GNG7: variants seen among roughly 807,000 people sequenced by gnomAD.
GNG7 encodes the protein guanine nucleotide-binding protein G(I)/G(S)/G(O) subunit gamma-7.
Under a neutral mutation model 4.0 loss-of-function variants are expected in GNG7, and 1 was observed. The ratio of observed to expected loss-of-function variants is 0.25; its 90% CI spans 0.09 to 1.18. GNG7 has a LOEUF of 1.18. Ranked by LOEUF, GNG7 falls within the 50% of genes most tolerant of loss-of-function variation. GNG7 has a pLI of 0.50. For synonymous variants in GNG7, 34 were observed against 36.9 expected (o/e 0.92, Z 0.29); for missense variants, 86 against 91.9 (o/e 0.94, Z 0.26).
At position 2,609,315 on chromosome 19, in the gene GNG7, C is replaced by T; in HGVS notation, c.-78+36909G>A. Among the ~76,000 whole-genome samples, 1 of 152,124 alleles carries T rather than the reference C, an allele frequency of 6.6e-6. No individual in the cohort carries two copies. The highest frequency in any genetic ancestry group is 1.9e-4 in the East Asian group (1 of 5,196). ...GCTGGGACTACAGGCACGTACCACC[C>T]CACCCAGCTAATTTTTGTTTTACAC... On this transcript the variant is annotated intron_variant, in intron 2 of 4. Transcript: ENST00000382159. This position sits in a 1 kb window ranked among gnomAD's most constrained non-coding sequence, Gnocchi z 4.4.
intron 1 of GNG7, among the ~76,000 whole-genome samples, chr19:2,665,208 G>C (rs188102163): frequency 3.3e-5 from 5 of 152,170 alleles, no homozygotes; most frequent in African/African-American, 1.2e-4. Flanking sequence ...TCCCAGGCAC[G>C]GTGGACACTG....
rs71178294 is a variant in GNG7 at position 2,593,784 on chromosome 19, CT to C, written c.-77-38597del. On this transcript the variant is annotated intron_variant, in intron 2 of 4. Coordinates refer to ENST00000382159, the MANE Select transcript of GNG7 (RefSeq NM_052847.3). ...TGCAAATACTTTTCCCGGGGTAGCACTTTTTTTTTTTTTTTAAACAATCCTT... is the reference window on the plus strand; with the variant it reads ...TGCAAATACTTTTCCCGGGGTAGCACTTTTTTTTTTTTTTAAACAATCCTT... 2.1e-3 allele frequency among the ~76,000 whole-genome samples: 287 copies of C among 139,498 alleles called. 2 individuals are homozygous for C. Among genetic ancestry groups the C allele is most frequent in the Middle Eastern group, 0.015 (4 of 270 alleles). 91.5% of individuals were successfully genotyped at this position (139,498 alleles called of 152,430 possible).
intron 3 of GNG7, among the ~76,000 whole-genome samples, chr19:2,525,382 GC>G (rs1405436498): frequency 6.6e-6 from 1 of 152,180 alleles, no homozygotes; most frequent in African/African-American, 2.4e-5. Context: ...ACGCCGCCCG[GC>G]CCCGCGCTGG....
chr19:2,614,349 A>G lies in GNG7; in HGVS notation c.-78+31875T>C, dbSNP rs974592401. Among the ~76,000 whole-genome samples, 1 of 152,180 alleles carries G rather than the reference A, an allele frequency of 6.6e-6. No individual in the cohort carries two copies. The highest frequency in any genetic ancestry group is 6.5e-5 in the Admixed American group (1 of 15,282). Reference sequence around the variant, plus strand: ...CACACAACAAAAAAGCTCCCTTTCCAGACATCCAGTGGCATTCGTGCAGCC... The same window carrying G: ...CACACAACAAAAAAGCTCCCTTTCCGGACATCCAGTGGCATTCGTGCAGCC... On this transcript the variant is annotated intron_variant, in intron 2 of 4. Coordinates refer to ENST00000382159, the MANE Select transcript of GNG7 (RefSeq NM_052847.3). This position sits in a 1 kb window ranked among gnomAD's most constrained non-coding sequence, Gnocchi z 6.0.
intron 2 of GNG7, among the ~76,000 whole-genome samples, chr19:2,564,740 G>A (rs999707518): frequency 3.3e-5 from 5 of 152,208 alleles, no homozygotes; most frequent in African/African-American, 1.2e-4. Context: ...GGAGTCTCTG[G>A]AGGGAGCCTA....
chr19:2,520,773 T>C, intron 3 of GNG7, 48 bp from the exon 4 acceptor site: 1 of 846,188 alleles, frequency 1.2e-6, no homozygotes, highest in Non-Finnish European at 1.9e-6. Context: ...GTCAGGCCTC[T>C]GGGTGGCAGC....
At chr19:2,592,461 G>A (rs907137724) in intron 2 of GNG7, among the ~76,000 whole-genome samples, 14 of 152,098 alleles carry the variant, frequency 9.2e-5, no homozygotes, top group African/African-American at 3.1e-4. Flanking sequence ...AAGGCCAGGT[G>A]CAGTGGCTCA....
At chr19:2,518,122 C>G (rs898619227) in intron 4 of GNG7, among the ~76,000 whole-genome samples, 6 of 152,194 alleles carry the variant, frequency 3.9e-5, no homozygotes, top group Non-Finnish European at 8.8e-5. Context: ...ATGCCCACTG[C>G]GCTGGGCTGG....
intron 1 of GNG7, among the ~76,000 whole-genome samples, chr19:2,681,405 G>A (rs375548830): frequency 2.2e-4 from 33 of 152,034 alleles, no homozygotes; most frequent in Non-Finnish European, 4.1e-4. Context: ...GGATGGCTTC[G>A]ATCTCCTGAC....
chr19:2,638,457 GA>G (rs1982382833), intron 2 of GNG7, among the ~76,000 whole-genome samples: 2 of 28,864 alleles, frequency 6.9e-5, no homozygotes, highest in African/African-American at 1.4e-4. Flanking sequence ...AGGGGAGGGG[GA>G]GGGAAAGGGG....
chr19:2,523,925 G>A (rs1375084659), intron 3 of GNG7, among the ~76,000 whole-genome samples: 2 of 152,186 alleles, frequency 1.3e-5, no homozygotes, highest in East Asian at 1.9e-4. Flanking sequence ...CAATCTGTCT[G>A]CTCTGGAGGC....
At chr19:2,553,563 T>C (rs1029464846) in intron 3 of GNG7, among the ~76,000 whole-genome samples, 4 of 149,352 alleles carry the variant, frequency 2.7e-5, no homozygotes, top group African/African-American at 4.9e-5. Flanking sequence ...TAATATCACA[T>C]GTAATAAATC....
chr19:2,610,646 A>AT (rs1382184444), intron 2 of GNG7: 2 of 148,916 alleles, frequency 1.3e-5, no homozygotes, highest in South Asian at 2.1e-4. Context: ...CCGGCCACTA[A>AT]TTTTTTTATT....
At chr19:2,697,643 T>C in intron 1 of GNG7, among the ~76,000 whole-genome samples, 1 of 152,154 alleles carries the variant, frequency 6.6e-6, no homozygotes, top group East Asian at 1.9e-4. Flanking sequence ...GGACGCAGAA[T>C]TGCAGAAATC....
chr19:2,633,113 A>C lies in GNG7; in HGVS notation c.-78+13111T>G, dbSNP rs2144844718. On this transcript the variant is annotated intron_variant, in intron 2 of 4. Transcript: ENST00000382159. This position sits in a 1 kb window ranked among gnomAD's most constrained non-coding sequence, Gnocchi z 5.9. ...GTCTGCGCAGAGATCCGAGGGTGTT[A>C]GCCTGGCAGGGGCCCTGCAGGTGGG... Among the ~76,000 whole-genome samples the C allele has an allele frequency of 6.6e-6, 1 of 152,338 alleles. No homozygotes were observed. The highest frequency in any genetic ancestry group is 1.9e-4 in the East Asian group (1 of 5,174).
chr19:2,558,041 C>T (rs981873710), intron 2 of GNG7, among the ~76,000 whole-genome samples: 1 of 151,980 alleles, frequency 6.6e-6, no homozygotes, highest in African/African-American at 2.4e-5. Context: ...GGGGGTTTCA[C>T]CGTGTTAGCC....
chr19:2,702,431 C>A (rs1441618802), intron 1 of GNG7, among the ~76,000 whole-genome samples: 9 of 149,716 alleles, frequency 6.0e-5, no homozygotes, highest in African/African-American at 9.8e-5. Context: ...CAACCCCAGC[C>A]CCTCCCCAGC....
At chr19:2,673,945 G>A (rs1162108526) in intron 1 of GNG7, among the ~76,000 whole-genome samples, 1 of 152,042 alleles carries the variant, frequency 6.6e-6, no homozygotes, top group Admixed American at 6.6e-5. Context: ...AATATAGGCT[G>A]TTTCCAAAAT....
At chr19:2,538,626 G>A (rs1404806951) in intron 3 of GNG7, 1 of 436,358 alleles carries the variant, frequency 2.3e-6, no homozygotes, top group Non-Finnish European at 4.5e-6. Flanking sequence ...GCAAGACCCT[G>A]TCTTTAAAAA....
Sources: allele counts gnomAD v4.1 joint callset (sites outside exome capture counted in the v4.1 genomes callset), GRCh38; gene constraint gnomAD v4.1.1; non-coding constraint Gnocchi (gnomAD v3.1); transcripts MANE v1.5; gene names NCBI Gene and HGNC (gene_info 2026-07-23, HGNC 2026-07-21).